NECTIN3: variants seen among roughly 807,000 people sequenced by gnomAD.
The protein encoded by NECTIN3 is nectin-3.
Under a neutral mutation model 49.4 loss-of-function variants are expected in NECTIN3, and 8 were observed. The ratio of observed to expected loss-of-function variants is 0.16; its 90% CI spans 0.10 to 0.29. NECTIN3 has a LOEUF of 0.29. Among genes scored for constraint, NECTIN3 ranks in the 10% least tolerant of loss-of-function variants. The pLI is 1.00. For missense variants in NECTIN3, 581 were observed against 654.6 expected (o/e 0.89, Z 1.23); for synonymous variants, 277 against 241.1 (o/e 1.15, Z -1.38).
At position 111,136,309 on chromosome 3, in the gene NECTIN3, T is replaced by A. The variant is rs1035039997; in HGVS notation, c.*2094T>A. The A allele has an allele frequency of 1.0e-5, 10 of 979,868 alleles. No individual in the cohort carries two copies. The African/African-American group carries it at 1.8e-4, about 17-fold the overall frequency. The allele number at this position is 979,868 out of a possible 1,614,324, so 60.7% of individuals were successfully genotyped here. On this transcript the variant is annotated 3_prime_UTR_variant, in exon 6 of 6. Transcript: ENST00000485303. ...TATATTTCAAAAATATAAATACTGA[T>A]TATGAACTTCCTTTTACATTGTGGT...
At chr3:111,128,998 T>C (rs548060426) in intron 5 of NECTIN3, among the ~76,000 whole-genome samples, 6 of 152,326 alleles carry the variant, frequency 3.9e-5, no homozygotes, top group South Asian at 2.1e-4. Context: ...AGAGCCCTTC[T>C]TCCAGATGAT....
At chr3:111,142,010 AT>A (rs1285968239), downstream of NECTIN3, among the ~76,000 whole-genome samples, 1 of 151,840 alleles carries the variant, frequency 6.6e-6, no homozygotes, top group Non-Finnish European at 1.5e-5. Context: ...TTGAGGCTAA[AT>A]TCTCAATTTT....
At chr3:111,172,856 T>C (rs1291181476) in intron 7 of NECTIN3, among the ~76,000 whole-genome samples, 2 of 152,188 alleles carry the variant, frequency 1.3e-5, no homozygotes, top group East Asian at 1.9e-4. Context: ...TTCTACCCTA[T>C]ATTATCCAGT....
At chr3:111,159,404 G>T (rs1195823047) in intron 7 of NECTIN3, among the ~76,000 whole-genome samples, 1 of 152,162 alleles carries the variant, frequency 6.6e-6, no homozygotes, top group African/African-American at 2.4e-5. Context: ...CTGCAACTGA[G>T]TAATCCTATC....
At chr3:111,144,270 T>A (rs1407808631) in intron 5 of NECTIN3, among the ~76,000 whole-genome samples, 1 of 151,976 alleles carries the variant, frequency 6.6e-6, no homozygotes, top group Admixed American at 6.6e-5. Context: ...GGCCAGGAGA[T>A]AGGAAGAATT....
intron 1 of NECTIN3, chr3:111,074,152 T>G (rs909104377): frequency 2.2e-6 from 1 of 448,518 alleles, no homozygotes; most frequent in Non-Finnish European, 4.5e-6. Flanking sequence ...TATGACGAGT[T>G]TTTTCCATCA....
intron 1 of NECTIN3, among the ~76,000 whole-genome samples, chr3:111,105,935 A>C (rs1576107647): frequency 6.8e-6 from 1 of 147,122 alleles, no homozygotes; most frequent in Non-Finnish European, 1.5e-5. Context: ...TTTTATTCTC[A>C]CCACTCCACC....
intron 5 of NECTIN3, among the ~76,000 whole-genome samples, chr3:111,142,897 GA>G (rs1408716139): frequency 2.0e-5 from 3 of 151,942 alleles, no homozygotes; most frequent in Non-Finnish European, 4.4e-5. Flanking sequence ...TTTAGCAAAA[GA>G]AAAATTTCCA....
intron 7 of NECTIN3, among the ~76,000 whole-genome samples, chr3:111,162,717 A>T (rs2035238911): frequency 6.6e-6 from 1 of 152,146 alleles, no homozygotes; most frequent in Non-Finnish European, 1.5e-5. Context: ...TATAATAAGG[A>T]TTCCCTTTCT....
chr3:111,100,624 T>C (rs1014958331), intron 1 of NECTIN3, among the ~76,000 whole-genome samples: 1 of 152,110 alleles, frequency 6.6e-6, no homozygotes, highest in Non-Finnish European at 1.5e-5. Flanking sequence ...ACCTGTAATA[T>C]AATTTTTGTG....
upstream of NECTIN3, among the ~76,000 whole-genome samples, chr3:111,188,016 G>A (rs971739936): frequency 4.6e-5 from 7 of 152,182 alleles, no homozygotes; most frequent in Non-Finnish European, 1.0e-4. Flanking sequence ...TAGTTGTGGA[G>A]GTTGTGGCAT....
exon 6 of NECTIN3, chr3:111,145,003 C>T (rs2107507746): frequency 1.3e-6 from 2 of 1,536,014 alleles, no homozygotes; most frequent in Admixed American, 2.0e-5. Context: ...GCTGCTGACT[C>T]CTCGAAAAAA....
intron 4 of NECTIN3, among the ~76,000 whole-genome samples, chr3:111,123,592 A>G (rs938826216): frequency 2.6e-5 from 4 of 152,020 alleles, no homozygotes; most frequent in African/African-American, 7.2e-5. Context: ...TGCCCCAGAG[A>G]TGAATGTCTG....
chr3:111,095,631 C>T (rs2032541502), intron 1 of NECTIN3, among the ~76,000 whole-genome samples: 3 of 152,138 alleles, frequency 2.0e-5, no homozygotes, highest in African/African-American at 7.2e-5. Context: ...ATCTTGAATT[C>T]CCATGTGTTG....
intron 7 of NECTIN3, among the ~76,000 whole-genome samples, chr3:111,170,759 A>C (rs1390748862): frequency 6.6e-6 from 1 of 152,154 alleles, no homozygotes; most frequent in Non-Finnish European, 1.5e-5. Flanking sequence ...CTGATGAGCT[A>C]TCTGGGATGA....
Position 111,136,878 on chromosome 3 carries a change from C to T in NECTIN3, c.*2663C>T, listed in dbSNP as rs750520701. 12 of 965,988 alleles carry T rather than the reference C, an allele frequency of 1.2e-5. No homozygotes were observed. Among genetic ancestry groups the T allele is most frequent in the South Asian group, 4.8e-5 (1 of 20,928 alleles). 59.8% of individuals were successfully genotyped at this position (965,988 alleles called of 1,614,324 possible). ...AAATACATTGAAACTAAAGTAGGCT[C>T]GGGGTTAACTTTAAAAGTGATATTT... On this transcript the variant is annotated 3_prime_UTR_variant, in exon 6 of 6. Transcript: ENST00000485303.
chr3:111,072,359 C>A, intron 1 of NECTIN3, 182 bp downstream of exon 1: 1 of 1,474,522 alleles, frequency 6.8e-7, no homozygotes, highest in South Asian at 1.4e-5. Flanking sequence ...AGGGCCAGGC[C>A]AGCGAATGCT....
At position 111,147,485 on chromosome 3, in the gene NECTIN3, G is replaced by C; in HGVS notation, c.1221+1G>C. On this transcript the variant is annotated splice_donor_variant, in intron 7 of 8. Transcript: ENST00000493615. LOFTEE classifies it high-confidence loss of function. ...TTTGCCTCAGAAAGACCTATTTCAG[G>C]TATGTGTTCATGAGTACACTTAAGA... 6.6e-7 allele frequency: 1 copy of C among 1,505,318 alleles called. No homozygotes were observed. Among genetic ancestry groups the C allele is most frequent in the African/African-American group, 1.4e-5 (1 of 72,292 alleles). The allele number at this position is 1,505,318 out of a possible 1,614,324, so 93.2% of individuals were successfully genotyped here.
At chr3:111,147,537 C>A in intron 7 of NECTIN3, 2 of 1,359,668 alleles carry the variant, frequency 1.5e-6, no homozygotes, top group Non-Finnish European at 2.0e-6. Context: ...TTAAAAAATA[C>A]TAAGCCATTT....
Sources: gnomAD v4.1 joint callset for allele counts (sites outside exome capture counted in the v4.1 genomes callset) on GRCh38, gnomAD v4.1.1 for gene constraint, MANE v1.5 for transcripts, NCBI Gene and HGNC (gene_info 2026-07-23, HGNC 2026-07-21) for gene names.